Variants in CNTLN observed in about 807,000 individuals in gnomAD.
CNTLN encodes the protein centlein, centrosomal protein.
A neutral mutation model predicts 180.0 loss-of-function variants in CNTLN; 212 were observed. The ratio of observed to expected loss-of-function variants is 1.18; its 90% CI spans 1.05 to 1.32. The LOEUF (loss-of-function observed/expected upper bound fraction) is 1.32. Ranked by LOEUF, CNTLN falls within the 40% of genes most tolerant of loss-of-function variation. CNTLN has a pLI of 0.00. For missense variants in CNTLN, 2,095 were observed against 1,610.9 expected, an observed-to-expected ratio of 1.30 and a Z score of -5.14; for synonymous variants, 722 against 563.1, an observed-to-expected ratio of 1.28 and a Z score of -3.99.
chr9:17,254,461 T>A (rs927909559), intron 5 of CNTLN, among the ~76,000 whole-genome samples: 3 of 140,716 alleles, frequency 2.1e-5, no homozygotes, highest in Admixed American at 1.4e-4. Context: ...CATTTGGAGG[T>A]TTTTTTTTTT....
chr9:17,290,715 G>T (rs1330870248), intron 6 of CNTLN, among the ~76,000 whole-genome samples: 1 of 151,686 alleles, frequency 6.6e-6, no homozygotes, highest in African/African-American at 2.4e-5. Context: ...CTCATGGTTC[G>T]CCGCTTTTTA....
chr9:17,176,383 T>C (rs990458183), intron 2 of CNTLN, among the ~76,000 whole-genome samples: 1 of 152,160 alleles, frequency 6.6e-6, no homozygotes. Flanking sequence ...ACTGTTGATA[T>C]GGTGGAATAC....
chr9:17,501,036 C>T (rs2134421459), intron 25 of CNTLN, among the ~76,000 whole-genome samples: 1 of 152,280 alleles, frequency 6.6e-6, no homozygotes, highest in East Asian at 1.9e-4. Flanking sequence ...ATATGCTTTT[C>T]CCACTTCTTC....
chr9:17,448,932 C>G (rs1002004305), intron 18 of CNTLN, among the ~76,000 whole-genome samples: 2 of 152,048 alleles, frequency 1.3e-5, no homozygotes, highest in Non-Finnish European at 1.5e-5. Flanking sequence ...AGAGGAGTTC[C>G]GAAAGACATT....
At chr9:17,491,481 G>A (rs1164243361) in intron 25 of CNTLN, among the ~76,000 whole-genome samples, 1 of 152,090 alleles carries the variant, frequency 6.6e-6, no homozygotes, top group Admixed American at 6.6e-5. Context: ...TATAACCAGA[G>A]TGTGGGTCTT....
chr9:17,438,090 C>G (rs146442243), intron 18 of CNTLN, among the ~76,000 whole-genome samples: 80 of 152,184 alleles, frequency 5.3e-4, no homozygotes, highest in African/African-American at 1.5e-3. Flanking sequence ...TTATTCTCAC[C>G]TAGGGAACTT....
intron 15 of CNTLN, among the ~76,000 whole-genome samples, chr9:17,403,029 C>G (rs1032687330): frequency 2.0e-5 from 3 of 151,576 alleles, no homozygotes; most frequent in Non-Finnish European, 4.4e-5. Context: ...TGAGGGAGTG[C>G]GTCAAAAGAG....
At chr9:17,432,354 A>G (rs1829466275) in intron 18 of CNTLN, among the ~76,000 whole-genome samples, 2 of 152,232 alleles carry the variant, frequency 1.3e-5, no homozygotes, top group Admixed American at 6.5e-5. Flanking sequence ...GTGAAATCAT[A>G]CAGTGAGTAA....
intron 5 of CNTLN, among the ~76,000 whole-genome samples, chr9:17,238,690 G>A (rs909491427): frequency 6.6e-6 from 1 of 152,052 alleles, no homozygotes; most frequent in Non-Finnish European, 1.5e-5. Flanking sequence ...TAAAACTTTG[G>A]TTAAATAAAT....
At chr9:17,493,407 T>G (rs1833277038) in intron 25 of CNTLN, among the ~76,000 whole-genome samples, 3 of 152,248 alleles carry the variant, frequency 2.0e-5, no homozygotes, top group Admixed American at 2.0e-4. Flanking sequence ...CAGTTTTGCC[T>G]TCTAGATAGA....
intron 13 of CNTLN, among the ~76,000 whole-genome samples, chr9:17,368,676 A>G (rs1824039577): frequency 1.3e-5 from 2 of 152,186 alleles, no homozygotes; most frequent in South Asian, 4.1e-4. Context: ...TTTGTTTGGG[A>G]GAAGGAAAGA....
chr9:17,369,986 G>GAAAAAAAAAAAAAAAA (rs113484510), intron 13 of CNTLN, among the ~76,000 whole-genome samples: 1 of 110,008 alleles, frequency 9.1e-6, no homozygotes, highest in African/African-American at 3.3e-5. Context: ...ACTCCATCTC[G>GAAAAAAAAAAAAAAAA]AAAAAAAAAA....
chr9:17,368,526 C>T (rs1824023112), intron 13 of CNTLN, among the ~76,000 whole-genome samples: 1 of 152,286 alleles, frequency 6.6e-6, no homozygotes, highest in African/African-American at 2.4e-5. Flanking sequence ...ATAGTGGTTA[C>T]AGTGGGCCTT....
At chr9:17,354,461 A>G (rs112838401) in intron 12 of CNTLN, among the ~76,000 whole-genome samples, 6,673 of 152,064 alleles carry the variant, frequency 0.044, 223 homozygotes, top group East Asian at 0.18. Flanking sequence ...ATATACACCA[A>G]TCGGCACTCT....
chr9:17,355,273 C>T (rs565088486), intron 12 of CNTLN, among the ~76,000 whole-genome samples: 1 of 152,180 alleles, frequency 6.6e-6, no homozygotes, highest in South Asian at 2.1e-4. Context: ...AATCCACCAG[C>T]CTTGGCCTCC....
At chr9:17,399,546 C>A (rs1055272247) in intron 15 of CNTLN, among the ~76,000 whole-genome samples, 2 of 152,128 alleles carry the variant, frequency 1.3e-5, no homozygotes, top group African/African-American at 4.8e-5. Context: ...AGGAATATGG[C>A]ATTTGGATCC....
chr9:17,352,665 C>T (rs1474677074), intron 12 of CNTLN, among the ~76,000 whole-genome samples: 1 of 152,112 alleles, frequency 6.6e-6, no homozygotes, highest in Non-Finnish European at 1.5e-5. Flanking sequence ...TTTTCATCAC[C>T]ACTGAAGGAG....
intron 2 of CNTLN, among the ~76,000 whole-genome samples, chr9:17,179,792 T>C (rs1301477913): frequency 6.6e-6 from 1 of 152,192 alleles, no homozygotes; most frequent in African/African-American, 2.4e-5. Flanking sequence ...TATTGATTTA[T>C]CTATTACTCT....
intron 12 of CNTLN, among the ~76,000 whole-genome samples, chr9:17,345,687 C>G (rs927609129): frequency 4.6e-5 from 7 of 151,954 alleles, no homozygotes. Context: ...ATACAGTTAT[C>G]TCAAATATTT....
Sources: gnomAD v4.1 joint callset for allele counts (sites outside exome capture counted in the v4.1 genomes callset) on GRCh38, gnomAD v4.1.1 for gene constraint, MANE v1.5 for transcripts, NCBI Gene and HGNC (gene_info 2026-07-23, HGNC 2026-07-21) for gene names.